The following PTPRZ1 variants were observed in gnomAD, a reference collection of about 807,000 sequenced individuals.
PTPRZ1 encodes the protein receptor-type tyrosine-protein phosphatase zeta.
A neutral mutation model predicts 214.1 loss-of-function variants in PTPRZ1; 82 were observed. That is an observed-to-expected ratio of 0.38 (90% CI 0.32 to 0.46). The LOEUF (loss-of-function observed/expected upper bound fraction) is 0.46, where lower values mean the gene tolerates loss of function less well. Ranked by LOEUF, PTPRZ1 falls within the 20% of genes least tolerant of loss-of-function variation. PTPRZ1 has a pLI of 1.00. For missense variants in PTPRZ1, 2,603 were observed against 2,748.7 expected, an observed-to-expected ratio of 0.95 and a Z score of 1.19; for synonymous variants, 945 against 987.9, an observed-to-expected ratio of 0.96 and a Z score of 0.81.
At chr7:122,030,384 G>A (rs1215187287) in intron 14 of PTPRZ1, among the ~76,000 whole-genome samples, 2 of 152,056 alleles carry the variant, frequency 1.3e-5, no homozygotes, top group African/African-American at 4.8e-5. Flanking sequence ...ATAACATCAA[G>A]GGGTTTGAAG....
At chr7:121,909,128 G>T (rs1450978547) in intron 1 of PTPRZ1, among the ~76,000 whole-genome samples, 1 of 152,122 alleles carries the variant, frequency 6.6e-6, no homozygotes, top group East Asian at 1.9e-4. Context: ...TAAAAAACTG[G>T]AGGACAAAGT....
chr7:121,918,736 A>T (rs1234790651), intron 1 of PTPRZ1, among the ~76,000 whole-genome samples: 1 of 152,070 alleles, frequency 6.6e-6, no homozygotes, highest in Non-Finnish European at 1.5e-5. Context: ...CTGAAAACAT[A>T]TGAAAAAATA....
chr7:121,887,804 C>A (rs1794445842), intron 1 of PTPRZ1, among the ~76,000 whole-genome samples: 1 of 152,176 alleles, frequency 6.6e-6, no homozygotes, highest in Middle Eastern at 3.4e-3. Flanking sequence ...CCTGTGTTTC[C>A]TGTCAAGCCG....
At chr7:121,965,480 C>T (rs1440666803) in intron 2 of PTPRZ1, among the ~76,000 whole-genome samples, 1 of 152,188 alleles carries the variant, frequency 6.6e-6, no homozygotes, top group Non-Finnish European at 1.5e-5. Flanking sequence ...CACACGCCAG[C>T]TCACAACCTG....
At chr7:121,877,968 T>TTG (rs1296351769) in intron 1 of PTPRZ1, among the ~76,000 whole-genome samples, 1 of 150,646 alleles carries the variant, frequency 6.6e-6, no homozygotes, top group African/African-American at 2.4e-5. Context: ...ATATATGTGT[T>TTG]TGTGTATATA....
At chr7:121,894,580 A>T (rs1336675546) in intron 1 of PTPRZ1, among the ~76,000 whole-genome samples, 1 of 151,770 alleles carries the variant, frequency 6.6e-6, no homozygotes, top group Non-Finnish European at 1.5e-5. Flanking sequence ...TAATTTTTGT[A>T]TTTTTTGTAG....
intron 1 of PTPRZ1, among the ~76,000 whole-genome samples, chr7:121,902,059 T>C (rs75579182): frequency 0.023 from 3,497 of 152,242 alleles, 135 homozygotes; most frequent in African/African-American, 0.08. Context: ...TCTCTACTTC[T>C]ATGAGATCAA....
At chr7:121,880,330 T>C (rs968845466) in intron 1 of PTPRZ1, among the ~76,000 whole-genome samples, 1 of 152,188 alleles carries the variant, frequency 6.6e-6, no homozygotes, top group Non-Finnish European at 1.5e-5. Flanking sequence ...TTGGAAATAA[T>C]TTATTCATTA....
intron 2 of PTPRZ1, among the ~76,000 whole-genome samples, chr7:121,944,196 G>T (rs1426298932): frequency 6.6e-6 from 1 of 151,970 alleles, no homozygotes; most frequent in Non-Finnish European, 1.5e-5. Context: ...ACTGAATCTG[G>T]CTGTAAGTTA....
At chr7:121,928,266 TG>T in intron 2 of PTPRZ1, 45 bp downstream of exon 2, 1 of 1,408,730 alleles carries the variant, frequency 7.1e-7, no homozygotes, top group Non-Finnish European at 9.8e-7. Context: ...AAACTTTTAT[TG>T]TTTTGTATCT....
At chr7:122,002,959 A>AT (rs1313066265) in intron 10 of PTPRZ1, among the ~76,000 whole-genome samples, 4 of 152,200 alleles carry the variant, frequency 2.6e-5, no homozygotes, top group African/African-American at 7.2e-5. Context: ...TAATTTGAAG[A>AT]TTTTTTATAT....
intron 1 of PTPRZ1, among the ~76,000 whole-genome samples, chr7:121,875,388 CT>C (rs1371223719): frequency 6.6e-6 from 1 of 152,010 alleles, no homozygotes; most frequent in Non-Finnish European, 1.5e-5. Flanking sequence ...TACTTCATTC[CT>C]TTTTGTGGCT....
chr7:121,991,981 G>T (rs558282097), intron 8 of PTPRZ1, among the ~76,000 whole-genome samples: 1 of 152,236 alleles, frequency 6.6e-6, no homozygotes, highest in African/African-American at 2.4e-5. Flanking sequence ...TAAAAATGAG[G>T]CTCATAAACT....
At chr7:121,996,788 C>T (rs1156366261) in intron 9 of PTPRZ1, among the ~76,000 whole-genome samples, 1 of 151,970 alleles carries the variant, frequency 6.6e-6, no homozygotes, top group Non-Finnish European at 1.5e-5. Flanking sequence ...CATAACTTTG[C>T]CAACAATAAC....
intron 22 of PTPRZ1, among the ~76,000 whole-genome samples, chr7:122,043,994 T>A (rs1352454832): frequency 6.6e-6 from 1 of 152,218 alleles, no homozygotes; most frequent in African/African-American, 2.4e-5. Flanking sequence ...AACTATTAAC[T>A]ATATATAAAA....
At position 122,038,887 on chromosome 7, in the gene PTPRZ1, A is replaced by G. The variant is rs1025409624; in HGVS notation, c.5500A>G (p.Arg1834Gly). The change falls in exon 19 of 30, where the codon AGG becomes GGG. Residue 1834 changes from arginine to glycine, a missense_variant and splice_region_variant. Coordinates refer to ENST00000393386, the MANE Select transcript of PTPRZ1 (RefSeq NM_002851.3). ...VMITNLVEKGRRKCDQYWPAD... is the reference protein window; with the variant it reads ...VMITNLVEKGGRKCDQYWPAD... ...GATAACAAACCTCGTGGAGAAAGGA[A>G]GGGTATGTAGATAATCTGTTATGTC... is the stretch of plus-strand genomic sequence containing the variant. 21 of 1,613,724 alleles carry G rather than the reference A, an allele frequency of 1.3e-5. No individual in the cohort carries two copies. Among genetic ancestry groups the G allele is most frequent in the Non-Finnish European group, 1.8e-5 (21 of 1,179,832 alleles).
intron 22 of PTPRZ1, 89 bp from the exon 23 acceptor site, chr7:122,044,333 T>A: frequency 6.8e-7 from 1 of 1,481,224 alleles, no homozygotes; most frequent in Non-Finnish European, 9.2e-7. Flanking sequence ...AAAACTCTCC[T>A]TGTCTGTCAA....
chr7:122,000,247 C>T (rs1422276543), intron 10 of PTPRZ1, among the ~76,000 whole-genome samples: 2 of 152,068 alleles, frequency 1.3e-5, no homozygotes, highest in African/African-American at 4.8e-5. Context: ...GCTGCAATGG[C>T]ATTTTTATCC....
At chr7:121,992,088 TAACTG>T (rs1160648351) in intron 8 of PTPRZ1, among the ~76,000 whole-genome samples, 1 of 152,214 alleles carries the variant, frequency 6.6e-6, no homozygotes, top group Non-Finnish European at 1.5e-5. Flanking sequence ...TAGTGGGAAA[TAACTG>T]AGTGAGACCT....
Sources: gnomAD v4.1 joint callset for allele counts (sites outside exome capture counted in the v4.1 genomes callset) on GRCh38, gnomAD v4.1.1 for gene constraint, MANE v1.5 for transcripts, NCBI Gene and HGNC (gene_info 2026-07-23, HGNC 2026-07-21) for gene names.